Variants in RAB38 observed in about 807,000 individuals in gnomAD.
RAB38 encodes the protein ras-related protein Rab-38.
In RAB38, 15 loss-of-function variants were observed where a neutral mutation model predicts 18.4. The ratio of observed to expected loss-of-function variants is 0.82; its 90% confidence interval spans 0.55 to 1.26. The LOEUF (loss-of-function observed/expected upper bound fraction) is 1.26, where lower values mean the gene tolerates loss of function less well. RAB38 is among the 50% of genes most tolerant of loss of function. The pLI is 0.00. For missense variants in RAB38, 294 were observed against 267.4 expected (o/e 1.10, Z -0.69); for synonymous variants, 101 against 104.4 (o/e 0.97, Z 0.20).
At chr11:87,820,159 G>A in the RAB38 span, among the ~76,000 whole-genome samples, 1 of 152,120 alleles carries the variant, frequency 6.6e-6, no homozygotes, top group East Asian at 1.9e-4. Flanking sequence ...TGCAGCTGGC[G>A]TTCACTCTAA....
At chr11:87,951,095 T>C in the RAB38 span, among the ~76,000 whole-genome samples, 1 of 150,826 alleles carries the variant, frequency 6.6e-6, no homozygotes, top group Non-Finnish European at 1.5e-5. Context: ...CTTTCTATTC[T>C]TTTATCTCTA....
chr11:87,835,642 T>C, the RAB38 span, among the ~76,000 whole-genome samples: 1 of 152,148 alleles, frequency 6.6e-6, no homozygotes. Context: ...AATTTTGTCA[T>C]AGTCATATAC....
At chr11:87,949,463 T>G in the RAB38 span, among the ~76,000 whole-genome samples, 1 of 152,338 alleles carries the variant, frequency 6.6e-6, no homozygotes, top group African/African-American at 2.4e-5. Flanking sequence ...GCTTTTCTAG[T>G]TCTTTTAAAT....
chr11:87,893,686 C>T, the RAB38 span, among the ~76,000 whole-genome samples: 2 of 151,512 alleles, frequency 1.3e-5, no homozygotes, highest in Non-Finnish European at 3.0e-5. Context: ...CTCTTCCTCT[C>T]GTGATCTCAC....
the RAB38 span, among the ~76,000 whole-genome samples, chr11:87,804,536 T>C: frequency 2.6e-5 from 4 of 152,198 alleles, no homozygotes; most frequent in African/African-American, 9.6e-5. Flanking sequence ...ATTTTGCTGA[T>C]GGTCTTAGGC....
chr11:88,031,415 A>G, the RAB38 span, among the ~76,000 whole-genome samples: 6 of 151,132 alleles, frequency 4.0e-5, no homozygotes, highest in Admixed American at 6.6e-5. Context: ...AGGGTATTCA[A>G]TTAGGAAAAG....
chr11:88,069,349 C>T, the RAB38 span, among the ~76,000 whole-genome samples: 26 of 152,320 alleles, frequency 1.7e-4, no homozygotes, highest in South Asian at 1.0e-3. Flanking sequence ...TGGGCTCCCA[C>T]GTGGCCCAAG....
intron 1 of RAB38, among the ~76,000 whole-genome samples, chr11:88,156,966 C>T (rs565910185): frequency 1.3e-5 from 2 of 152,216 alleles, no homozygotes; most frequent in Admixed American, 6.5e-5. Flanking sequence ...CTAATAACTT[C>T]GTGATAAGAT....
the RAB38 span, among the ~76,000 whole-genome samples, chr11:87,976,574 AAT>A: frequency 0.44 from 53,195 of 119,962 alleles, 11,945 homozygotes; most frequent in East Asian, 0.59. Flanking sequence ...CTATACAATA[AAT>A]ATATATATTT....
At chr11:88,046,121 A>AC in the RAB38 span, among the ~76,000 whole-genome samples, 2 of 151,856 alleles carry the variant, frequency 1.3e-5, no homozygotes, top group Non-Finnish European at 2.9e-5. Flanking sequence ...CTGATCATGC[A>AC]CCCTTTACCA....
chr11:88,011,099 T>C, the RAB38 span, among the ~76,000 whole-genome samples: 2 of 152,206 alleles, frequency 1.3e-5, no homozygotes, highest in Non-Finnish European at 2.9e-5. Context: ...GGGTATCTAC[T>C]GAGAGAAATA....
At chr11:87,824,993 AGT>A in the RAB38 span, among the ~76,000 whole-genome samples, 1 of 151,072 alleles carries the variant, frequency 6.6e-6, no homozygotes, top group Non-Finnish European at 1.5e-5. Context: ...AGAGAGAGAG[AGT>A]GAGTGTGTGT....
the RAB38 span, among the ~76,000 whole-genome samples, chr11:87,858,206 C>A: frequency 6.6e-6 from 1 of 152,252 alleles, no homozygotes; most frequent in Admixed American, 6.5e-5. Context: ...GGGTCCTGTT[C>A]TGTTCCATTG....
chr11:87,826,769 A>T, the RAB38 span, among the ~76,000 whole-genome samples: 1 of 152,194 alleles, frequency 6.6e-6, no homozygotes, highest in African/African-American at 2.4e-5. Context: ...AGAACTTTAA[A>T]TACCACAACC....
the RAB38 span, among the ~76,000 whole-genome samples, chr11:87,818,797 T>TA: frequency 0.029 from 4,445 of 152,226 alleles, 141 homozygotes; most frequent in African/African-American, 0.076. Context: ...AACACTTAGA[T>TA]AAAGGTATAG....
the RAB38 span, among the ~76,000 whole-genome samples, chr11:87,924,575 C>A: frequency 1.8e-4 from 28 of 152,144 alleles, no homozygotes; most frequent in South Asian, 5.8e-3. Context: ...GAGACCCTCA[C>A]TCTACTTCAC....
At chr11:88,041,657 C>T in the RAB38 span, among the ~76,000 whole-genome samples, 2 of 151,948 alleles carry the variant, frequency 1.3e-5, no homozygotes, top group Non-Finnish European at 2.9e-5. Flanking sequence ...ATGCCTAGCC[C>T]GTGAAATTGA....
the RAB38 span, among the ~76,000 whole-genome samples, chr11:88,055,988 C>T: frequency 7.3e-5 from 11 of 151,546 alleles, no homozygotes; most frequent in Non-Finnish European, 1.3e-4. Flanking sequence ...TACTTAGGTG[C>T]CATTTTAGAA....
the RAB38 span, among the ~76,000 whole-genome samples, chr11:87,960,359 TAAAC>T: frequency 4.3e-5 from 6 of 138,372 alleles, no homozygotes; most frequent in African/African-American, 1.7e-4. Flanking sequence ...AGTAACTCCT[TAAAC>T]AGAGATGGAA....
Sources: allele counts gnomAD v4.1 joint callset (sites outside exome capture counted in the v4.1 genomes callset), GRCh38; gene constraint gnomAD v4.1.1; transcripts MANE v1.5; gene names NCBI Gene and HGNC (gene_info 2026-07-23, HGNC 2026-07-21).